FTO: variants seen among roughly 807,000 people sequenced by gnomAD.
FTO encodes the protein FTO alpha-ketoglutarate dependent dioxygenase, also known as alpha-ketoglutarate-dependent dioxygenase FTO.
In FTO, 47 loss-of-function variants were observed where a neutral mutation model predicts 63.9. The observed-to-expected ratio is 0.74, with a 90% CI of 0.58 to 0.94. The LOEUF (loss-of-function observed/expected upper bound fraction) is 0.94. FTO is among the 40% of genes least tolerant of loss of function. The probability of loss-of-function intolerance (pLI) is 0.00; values close to 1 mark genes in which losing one functional copy is unlikely to be tolerated. For missense variants in FTO, 562 were observed against 618.1 expected (o/e 0.91, Z 0.96); for synonymous variants, 207 against 224.4 (o/e 0.92, Z 0.69).
At chr16:53,714,912 A>G (rs971826447) in intron 1 of FTO, among the ~76,000 whole-genome samples, 4 of 152,120 alleles carry the variant, frequency 2.6e-5, no homozygotes, top group Non-Finnish European at 5.9e-5. Flanking sequence ...TGCTGGAACC[A>G]TTACAGTAAT....
Position 53,840,058 on chromosome 16 carries a change from C to T in FTO, c.752-4097C>T, listed in dbSNP as rs961218674. On this transcript the variant is annotated intron_variant, in intron 3 of 8. Coordinates refer to ENST00000471389, the MANE Select transcript of FTO (RefSeq NM_001080432.3). ...GACCTCGTGATCCACCCACCTCAGC[C>T]TCCCAATGTGCTGGGATTACAGGTG... 6.6e-5 allele frequency among the ~76,000 whole-genome samples: 10 copies of T among 152,090 alleles called. 1 individual carries two copies. Among genetic ancestry groups the T allele is most frequent in the African/African-American group, 2.4e-4 (10 of 41,440 alleles).
chr16:53,949,092 C>G (rs2082714262), intron 8 of FTO, among the ~76,000 whole-genome samples: 1 of 152,172 alleles, frequency 6.6e-6, no homozygotes, highest in African/African-American at 2.4e-5. Flanking sequence ...AAGGTGTCCA[C>G]AAAAATGTTG....
intron 6 of FTO, among the ~76,000 whole-genome samples, chr16:53,880,936 C>CCA (rs2080806952): frequency 2.3e-5 from 1 of 43,006 alleles, no homozygotes; most frequent in African/African-American, 1.0e-4. Flanking sequence ...CCCGTCTCTA[C>CCA]TAAAAAAAAA....
At chr16:53,833,691 C>T (rs749224969) in intron 3 of FTO, among the ~76,000 whole-genome samples, 1 of 152,166 alleles carries the variant, frequency 6.6e-6, no homozygotes, top group Non-Finnish European at 1.5e-5. Flanking sequence ...TTTATATTCT[C>T]GCTGGCAATG....
chr16:54,029,552 C>A (rs137932975), intron 8 of FTO, among the ~76,000 whole-genome samples: 168 of 152,184 alleles, frequency 1.1e-3, no homozygotes, highest in African/African-American at 3.9e-3. Context: ...TTCATTAGTC[C>A]CTGTAACTCT....
intron 8 of FTO, among the ~76,000 whole-genome samples, chr16:54,104,793 G>C (rs1417296292): frequency 6.6e-6 from 1 of 152,180 alleles, no homozygotes; most frequent in African/African-American, 2.4e-5. Context: ...TAAACACTGG[G>C]TATTTTCTGA....
intron 8 of FTO, among the ~76,000 whole-genome samples, chr16:54,102,534 G>T (rs1294519805): frequency 6.6e-6 from 1 of 152,122 alleles, no homozygotes; most frequent in Admixed American, 6.5e-5. Flanking sequence ...AACCTAGAGT[G>T]ACCCCATCTC....
intron 2 of FTO, among the ~76,000 whole-genome samples, chr16:53,823,346 T>C (rs2078917322): frequency 6.6e-6 from 1 of 152,190 alleles, no homozygotes; most frequent in African/African-American, 2.4e-5. Context: ...GGAAATAGCT[T>C]TGGTCTCCTT....
intron 1 of FTO, among the ~76,000 whole-genome samples, chr16:53,772,922 A>G (rs2077372006): frequency 6.6e-6 from 1 of 152,046 alleles, no homozygotes; most frequent in Non-Finnish European, 1.5e-5. Context: ...ACAGATTCAA[A>G]GCCTTTAGTT....
intron 8 of FTO, chr16:53,998,343 A>G (rs1274855921): frequency 1.3e-5 from 2 of 152,216 alleles, no homozygotes; most frequent in Non-Finnish European, 2.9e-5. Flanking sequence ...CTATTAAAGG[A>G]CTTCTGCTAG....
intron 7 of FTO, among the ~76,000 whole-genome samples, chr16:53,899,169 G>C (rs554560836): frequency 6.6e-6 from 1 of 151,892 alleles, no homozygotes; most frequent in African/African-American, 2.4e-5. Flanking sequence ...TATGCCTCTG[G>C]CATTTATAGC....
intron 1 of FTO, among the ~76,000 whole-genome samples, chr16:53,808,431 A>G (rs2078429013): frequency 6.6e-6 from 1 of 152,200 alleles, no homozygotes; most frequent in African/African-American, 2.4e-5. Context: ...TGACTAAATA[A>G]ATATAATAGA....
intron 1 of FTO, among the ~76,000 whole-genome samples, chr16:53,704,469 CCTT>C (rs1395460073): frequency 2.0e-5 from 3 of 152,314 alleles, no homozygotes; most frequent in African/African-American, 7.2e-5. Flanking sequence ...ATTTCCTTGT[CCTT>C]CTTCTGCATC....
At chr16:54,042,156 C>T (rs8051873) in intron 8 of FTO, among the ~76,000 whole-genome samples, 66,414 of 150,984 alleles carry the variant, frequency 0.44, 17,085 homozygotes, top group African/African-American at 0.71. Context: ...GCGTGAGTGA[C>T]GCAGAAGACG....
chr16:53,751,039 G>T (rs2076776799), intron 1 of FTO, among the ~76,000 whole-genome samples: 1 of 152,154 alleles, frequency 6.6e-6, no homozygotes, highest in Admixed American at 6.5e-5. Context: ...TAAAAGGAAG[G>T]TTTTAAAACA....
intron 8 of FTO, among the ~76,000 whole-genome samples, chr16:53,984,698 A>G (rs2083626097): frequency 6.6e-6 from 1 of 152,180 alleles, no homozygotes; most frequent in Non-Finnish European, 1.5e-5. Context: ...CTAAAGCATC[A>G]ACTGAAGATG....
chr16:54,064,699 G>A (rs923826863), intron 8 of FTO, among the ~76,000 whole-genome samples: 2 of 152,082 alleles, frequency 1.3e-5, no homozygotes, highest in African/African-American at 2.4e-5. Flanking sequence ...CACAGCATTC[G>A]ATTTTTATTT....
At chr16:53,869,730 T>G (rs1231942818) in intron 4 of FTO, among the ~76,000 whole-genome samples, 1 of 152,204 alleles carries the variant, frequency 6.6e-6, no homozygotes, top group Non-Finnish European at 1.5e-5. Flanking sequence ...TTTCTTAGAA[T>G]TTCCATCCCT....
At chr16:54,110,176 T>C (rs551066105) in intron 8 of FTO, among the ~76,000 whole-genome samples, 7 of 152,296 alleles carry the variant, frequency 4.6e-5, no homozygotes, top group African/African-American at 1.7e-4. Context: ...ACACCTATGA[T>C]TAAGTAGTCT....
Sources: gnomAD v4.1 joint callset for allele counts (sites outside exome capture counted in the v4.1 genomes callset) on GRCh38, gnomAD v4.1.1 for gene constraint, MANE v1.5 for transcripts, NCBI Gene and HGNC (gene_info 2026-07-23, HGNC 2026-07-21) for gene names.